Variants in DPYD observed in about 807,000 individuals in gnomAD.
DPYD encodes the protein dihydropyrimidine dehydrogenase [NADP(+)].
Under a neutral mutation model 116.2 loss-of-function variants are expected in DPYD, and 109 were observed. That is an observed-to-expected ratio of 0.94 (90% CI 0.80 to 1.10). The LOEUF (loss-of-function observed/expected upper bound fraction) is 1.10, where lower values mean the gene tolerates loss of function less well. Among genes scored for constraint, DPYD ranks in the 50% least tolerant of loss-of-function variants. The pLI is 0.00. For missense variants in DPYD, 1,302 were observed against 1,254.5 expected, an observed-to-expected ratio of 1.04 and a Z score of -0.57; for synonymous variants, 440 against 432.0, an observed-to-expected ratio of 1.02 and a Z score of -0.23.
intron 3 of DPYD, among the ~76,000 whole-genome samples, chr1:97,814,918 A>AG (rs1348828257): frequency 1.1e-4 from 9 of 85,598 alleles, no homozygotes; most frequent in Admixed American, 2.9e-4. Flanking sequence ...AAAAAAAAAA[A>AG]AAAGAAAGAG....
At chr1:97,418,172 A>G (rs1332363836) in intron 14 of DPYD, among the ~76,000 whole-genome samples, 7 of 152,196 alleles carry the variant, frequency 4.6e-5, no homozygotes, top group Non-Finnish European at 1.0e-4. Flanking sequence ...TAATAACTAC[A>G]TAGAGATGTG....
chr1:97,090,462 G>A (rs917775949), intron 21 of DPYD, among the ~76,000 whole-genome samples: 4 of 152,158 alleles, frequency 2.6e-5, no homozygotes, highest in African/African-American at 4.8e-5. Context: ...TCGCAAGCAC[G>A]TAGTGATGCT....
intron 14 of DPYD, among the ~76,000 whole-genome samples, chr1:97,447,933 T>A (rs1283313670): frequency 6.6e-6 from 1 of 152,136 alleles, no homozygotes; most frequent in Non-Finnish European, 1.5e-5. Context: ...CATGTTGCAT[T>A]AAAATGTAAT....
Position 97,212,184 on chromosome 1 carries a change from T to C in DPYD, c.2443-18936A>G, listed in dbSNP as rs1027455080. Among the ~76,000 whole-genome samples the C allele has an allele frequency of 3.3e-5, 5 of 152,224 alleles. 1 individual carries two copies. Among genetic ancestry groups the C allele is most frequent in the Admixed American group, 6.6e-5 (1 of 15,266 alleles). The stretch of plus-strand genomic sequence containing the variant: ...CAACCTGGTTTTACGATATTCCAAT[T>C]ACCCAAAAGTTTTCTTGCATCCTTT... On this transcript the variant is annotated intron_variant, in intron 19 of 22. Coordinates refer to ENST00000370192, the MANE Select transcript of DPYD (RefSeq NM_000110.4).
At chr1:97,574,309 T>C (rs768776985) in intron 10 of DPYD, among the ~76,000 whole-genome samples, 2 of 152,054 alleles carry the variant, frequency 1.3e-5, no homozygotes, top group Non-Finnish European at 2.9e-5. Context: ...TAGATTAAGG[T>C]CTCTTTTTTT....
intron 8 of DPYD, among the ~76,000 whole-genome samples, chr1:97,647,114 A>T (rs995335655): frequency 6.6e-6 from 1 of 152,052 alleles, no homozygotes; most frequent in African/African-American, 2.4e-5. Context: ...TTACATCAGA[A>T]TATACCACTT....
chr1:97,460,122 T>C (rs529289835), intron 13 of DPYD, among the ~76,000 whole-genome samples: 1 of 152,052 alleles, frequency 6.6e-6, no homozygotes, highest in African/African-American at 2.4e-5. Flanking sequence ...ATTTTTATAG[T>C]AAAAAATGAA....
At chr1:97,632,711 T>C (rs1657343062) in intron 8 of DPYD, among the ~76,000 whole-genome samples, 1 of 152,118 alleles carries the variant, frequency 6.6e-6, no homozygotes, top group Non-Finnish European at 1.5e-5. Context: ...ATTTCCTTAT[T>C]GAAATGGTCA....
chr1:97,423,712 A>C (rs1014445338), intron 14 of DPYD, among the ~76,000 whole-genome samples: 1 of 152,092 alleles, frequency 6.6e-6, no homozygotes, highest in Non-Finnish European at 1.5e-5. Flanking sequence ...CAGACAATTG[A>C]ATCACCAACC....
At chr1:97,792,464 G>A (rs1367616030) in intron 3 of DPYD, among the ~76,000 whole-genome samples, 4 of 151,918 alleles carry the variant, frequency 2.6e-5, no homozygotes, top group Non-Finnish European at 5.9e-5. Context: ...TGGTCAGGCC[G>A]ATCTTGAACT....
chr1:97,578,854 G>A (rs1373135631), intron 10 of DPYD, among the ~76,000 whole-genome samples: 3 of 152,170 alleles, frequency 2.0e-5, no homozygotes, highest in East Asian at 1.9e-4. Flanking sequence ...TACTGTAAAC[G>A]AGTTAATAGA....
At chr1:97,323,371 CATGTGTATATGTACACGTATGTATACAT>C (rs201427009) in intron 16 of DPYD, among the ~76,000 whole-genome samples, 12,113 of 46,512 alleles carry the variant, frequency 0.26, 1,678 homozygotes, top group Non-Finnish European at 0.34. Flanking sequence ...CGTATGTATA[CATGTGTATATGTACACGTATGTATACAT>C]ATGTGTATAT....
chr1:97,652,966 G>A (rs1249189181), intron 8 of DPYD, among the ~76,000 whole-genome samples: 1 of 151,994 alleles, frequency 6.6e-6, no homozygotes, highest in Non-Finnish European at 1.5e-5. Context: ...TCAAGTCTCC[G>A]TGTTATGGTG....
chr1:97,668,294 G>T (rs1345326561), intron 8 of DPYD, among the ~76,000 whole-genome samples: 1 of 152,032 alleles, frequency 6.6e-6, no homozygotes, highest in Non-Finnish European at 1.5e-5. Flanking sequence ...TGGTTTCAGA[G>T]GGACCTCAGT....
chr1:97,080,364 G>GTA lies in DPYD; in HGVS notation c.2908-1220_2908-1219dup, dbSNP rs139618140. On this transcript the variant is annotated intron_variant, in intron 22 of 22. Transcript: ENST00000370192. ...TGTTATAATTCAATTATATATGTGT[G>GTA]TATATATATATATAGTTGTTTAAAA... Among the ~76,000 whole-genome samples, 1,055 of 150,338 alleles carry GTA rather than the reference G, an allele frequency of 7.0e-3. 13 individuals carry two copies. The highest frequency in any genetic ancestry group is 0.023 in the African/African-American group (932 of 41,040).
At chr1:97,405,297 T>C (rs1435834183) in intron 14 of DPYD, among the ~76,000 whole-genome samples, 1 of 152,138 alleles carries the variant, frequency 6.6e-6, no homozygotes, top group South Asian at 2.1e-4. Flanking sequence ...CCTTTCTTTA[T>C]GTAGGTCCAA....
At chr1:97,839,868 C>A (rs77018612) in intron 2 of DPYD, among the ~76,000 whole-genome samples, 8,592 of 152,248 alleles carry the variant, frequency 0.056, 316 homozygotes, top group South Asian at 0.1. Context: ...CATTATTAAT[C>A]TCCTACATAT....
intron 1 of DPYD, among the ~76,000 whole-genome samples, chr1:97,911,064 T>C (rs1022762993): frequency 6.6e-6 from 1 of 152,104 alleles, no homozygotes; most frequent in African/African-American, 2.4e-5. Context: ...TTTCACCTAA[T>C]TGTTTATTTA....
At chr1:97,184,200 T>C (rs112398095) in intron 20 of DPYD, among the ~76,000 whole-genome samples, 5,952 of 152,282 alleles carry the variant, frequency 0.039, 168 homozygotes, top group Non-Finnish European at 0.057. Context: ...ATGTCTTTGC[T>C]ATTGTGAATA....
Sources: gnomAD v4.1 joint callset for allele counts (sites outside exome capture counted in the v4.1 genomes callset) on GRCh38, gnomAD v4.1.1 for gene constraint, MANE v1.5 for transcripts, NCBI Gene and HGNC (gene_info 2026-07-23, HGNC 2026-07-21) for gene names.